The following C8orf34 variants were observed in gnomAD, a reference collection of about 807,000 sequenced individuals.
C8orf34 encodes the protein chromosome 8 open reading frame 34.
Under a neutral mutation model 68.3 loss-of-function variants are expected in C8orf34, and 65 were observed. The observed-to-expected ratio is 0.95, with a 90% confidence interval of 0.78 to 1.17. The LOEUF (loss-of-function observed/expected upper bound fraction) is 1.17, where lower values mean the gene tolerates loss of function less well. Among genes scored for constraint, C8orf34 ranks in the 50% most tolerant of loss-of-function variants. C8orf34 has a pLI of 0.00. For synonymous variants in C8orf34, 244 were observed against 241.2 expected (o/e 1.01, Z -0.11); for missense variants, 664 against 655.4 (o/e 1.01, Z -0.14).
At chr8:68,738,285 G>A (rs1822179137) in intron 10 of C8orf34, among the ~76,000 whole-genome samples, 1 of 151,986 alleles carries the variant, frequency 6.6e-6, no homozygotes. Context: ...AGAATTTCTG[G>A]GACACAGCTA....
chr8:68,330,772 T>G, upstream of C8orf34: 1 of 421,564 alleles, frequency 2.4e-6, no homozygotes, highest in South Asian at 5.9e-5. Flanking sequence ...GGAAAGGAGG[T>G]ACACACAGTC....
rs79577878 is a variant in C8orf34, at chr8:68,575,942, G to A, written c.1105+42793G>A. Among the ~76,000 whole-genome samples, 71 of 140,546 alleles carry A rather than the reference G, an allele frequency of 5.1e-4. No individual in the cohort carries two copies. The East Asian group carries it at 0.015, about 29-fold the overall frequency. 92.2% of individuals were successfully genotyped at this position (140,546 alleles called of 152,430 possible). A position where few individuals can be genotyped will look rare whatever the true frequency, so the allele number is the denominator to read the frequency against. On this transcript the variant is annotated intron_variant, in intron 7 of 13. Coordinates refer to ENST00000518698, the MANE Select transcript of C8orf34 (RefSeq NM_052958.4). The stretch of plus-strand genomic sequence containing the variant: ...TTTTGGTATGATGAGCTGACATAAT[G>A]CTAGTAGATGGTTGTTTTTTTTTTT...
chr8:68,498,128 C>A (rs1013625350), intron 5 of C8orf34, among the ~76,000 whole-genome samples: 3 of 152,154 alleles, frequency 2.0e-5, no homozygotes, highest in African/African-American at 4.8e-5. Context: ...GTGCCCAGCT[C>A]ACATTTGCTT....
chr8:68,519,138 G>A (rs1018714462), intron 5 of C8orf34, among the ~76,000 whole-genome samples: 1 of 152,126 alleles, frequency 6.6e-6, no homozygotes, highest in East Asian at 1.9e-4. Flanking sequence ...GTGACTGTTC[G>A]AAGTATCAGA....
chr8:68,703,265 T>C (rs1473161840), intron 8 of C8orf34, among the ~76,000 whole-genome samples: 1 of 152,176 alleles, frequency 6.6e-6, no homozygotes, highest in Non-Finnish European at 1.5e-5. Flanking sequence ...CAATAGAAGG[T>C]GATTAATGAC....
At chr8:68,791,944 A>C (rs997790372) in intron 12 of C8orf34, 3 of 152,232 alleles carry the variant, frequency 2.0e-5, no homozygotes, top group African/African-American at 7.2e-5. Flanking sequence ...ACACATAGGG[A>C]ATCAAACTCT....
intron 7 of C8orf34, among the ~76,000 whole-genome samples, chr8:68,540,732 C>T (rs1815669515): frequency 6.6e-6 from 1 of 152,032 alleles, no homozygotes. Context: ...ATCCCAGCTA[C>T]TCGGGAAGCT....
upstream of C8orf34, among the ~76,000 whole-genome samples, chr8:68,330,391 G>A (rs1335854200): frequency 6.6e-6 from 1 of 152,088 alleles, no homozygotes; most frequent in Non-Finnish European, 1.5e-5. Flanking sequence ...AGAGTTTTCA[G>A]CTGGGTTCTC....
intron 8 of C8orf34, among the ~76,000 whole-genome samples, chr8:68,650,670 G>A (rs1263740943): frequency 1.3e-5 from 2 of 151,940 alleles, no homozygotes; most frequent in South Asian, 2.1e-4. Flanking sequence ...TAGTAGAGAT[G>A]GGGTTTCACC....
intron 1 of C8orf34, among the ~76,000 whole-genome samples, chr8:68,421,931 G>A (rs1809993248): frequency 6.6e-6 from 1 of 152,136 alleles, no homozygotes; most frequent in African/African-American, 2.4e-5. Context: ...AGGGGAAATG[G>A]CAGATGCTTA....
chr8:68,469,935 TG>T (rs1304388143), intron 4 of C8orf34, among the ~76,000 whole-genome samples: 3 of 22,978 alleles, frequency 1.3e-4, no homozygotes, highest in East Asian at 1.8e-3. Flanking sequence ...TGGTATTTTG[TG>T]TGTGTGTGTG....
At chr8:68,483,634 G>C (rs1423906261) in intron 4 of C8orf34, among the ~76,000 whole-genome samples, 1 of 152,218 alleles carries the variant, frequency 6.6e-6, no homozygotes, top group East Asian at 1.9e-4. Flanking sequence ...GAACTGGGTT[G>C]ATCAGAAGTC....
At chr8:68,805,578 G>A (rs1182183617) in intron 12 of C8orf34, among the ~76,000 whole-genome samples, 2 of 152,046 alleles carry the variant, frequency 1.3e-5, no homozygotes, top group Non-Finnish European at 2.9e-5. Flanking sequence ...TTATTATTAG[G>A]AGATATTTCC....
chr8:68,686,449 C>T (rs1184138565), intron 8 of C8orf34, among the ~76,000 whole-genome samples: 2 of 151,976 alleles, frequency 1.3e-5, no homozygotes, highest in African/African-American at 4.8e-5. Flanking sequence ...CAAGTGGGTT[C>T]ATGCAGACAT....
chr8:68,545,045 G>T (rs1163887963), intron 7 of C8orf34, among the ~76,000 whole-genome samples: 1 of 152,062 alleles, frequency 6.6e-6, no homozygotes, highest in Non-Finnish European at 1.5e-5. Context: ...GATAAAACAG[G>T]ATCAGAAAAA....
chr8:68,468,787 A>C lies in C8orf34; in HGVS notation c.703A>C (p.Lys235Gln). Residue 235 changes from lysine to glutamine, a missense_variant, in exon 4 of 14, where the codon AAG becomes CAG. Coordinates refer to ENST00000518698, the MANE Select transcript of C8orf34 (RefSeq NM_052958.4). ...ELNHILQESKKLGKALENLSR... is the reference protein window; with the variant it reads ...ELNHILQESKQLGKALENLSR... The stretch of plus-strand genomic sequence containing the variant: ...GAATCACATCCTTCAGGAGAGCAAG[A>C]AGCTGGGGAAAGCCCTTGAGAATCT... 7.4e-6 allele frequency: 12 copies of C among 1,612,000 alleles called. No homozygotes were observed. Among genetic ancestry groups the C allele is most frequent in the Non-Finnish European group, 1.0e-5 (12 of 1,178,926 alleles).
chr8:68,718,548 T>C (rs1277194384), intron 9 of C8orf34, among the ~76,000 whole-genome samples: 1 of 152,232 alleles, frequency 6.6e-6, no homozygotes, highest in African/African-American at 2.4e-5. Flanking sequence ...CATTCTTTTC[T>C]ACTTAAATTA....
chr8:68,579,550 T>C (rs1449387546), intron 7 of C8orf34, among the ~76,000 whole-genome samples: 1 of 152,138 alleles, frequency 6.6e-6, no homozygotes, highest in East Asian at 1.9e-4. Flanking sequence ...ATCTTACCCC[T>C]GTAGAGAAAA....
chr8:68,409,765 C>G (rs935847260), intron 1 of C8orf34, among the ~76,000 whole-genome samples: 1 of 152,216 alleles, frequency 6.6e-6, no homozygotes, highest in East Asian at 1.9e-4. Context: ...CTGACTCACC[C>G]AGAGCAACTT....
Sources: gnomAD v4.1 joint callset for allele counts (sites outside exome capture counted in the v4.1 genomes callset) on GRCh38, gnomAD v4.1.1 for gene constraint, MANE v1.5 for transcripts, NCBI Gene and HGNC (gene_info 2026-07-23, HGNC 2026-07-21) for gene names.